KCNN2: variants seen among roughly 807,000 people sequenced by gnomAD.
The protein encoded by KCNN2 is small conductance calcium-activated potassium channel protein 2.
Under a neutral mutation model 55.5 loss-of-function variants are expected in KCNN2, and 24 were observed. The observed-to-expected ratio is 0.43, with a 90% CI of 0.31 to 0.61. The LOEUF (loss-of-function observed/expected upper bound fraction) is 0.61, where lower values mean the gene tolerates loss of function less well. Among genes scored for constraint, KCNN2 ranks in the 20% least tolerant of loss-of-function variants. KCNN2 has a pLI of 0.08. For missense variants in KCNN2, 754 were observed against 853.6 expected, an observed-to-expected ratio of 0.88 and a Z score of 1.45; for synonymous variants, 431 against 336.1, an observed-to-expected ratio of 1.28 and a Z score of -3.09.
intron 2 of KCNN2, among the ~76,000 whole-genome samples, chr5:114,240,894 T>C (rs1227490705): frequency 1.3e-5 from 2 of 151,514 alleles, no homozygotes; most frequent in Non-Finnish European, 2.9e-5. Context: ...TAAAAAATTA[T>C]CTGCTAATAA....
At chr5:114,278,108 C>A (rs567973660) in intron 2 of KCNN2, among the ~76,000 whole-genome samples, 1 of 152,210 alleles carries the variant, frequency 6.6e-6, no homozygotes, top group African/African-American at 2.4e-5. Context: ...GTCCCCTCAG[C>A]TGCATGTCTG....
At chr5:114,477,669 G>A (rs1580900705) in intron 5 of KCNN2, among the ~76,000 whole-genome samples, 1 of 152,088 alleles carries the variant, frequency 6.6e-6, no homozygotes, top group Non-Finnish European at 1.5e-5. Context: ...ATATCTTTTG[G>A]AAATATATTA....
At chr5:114,121,344 A>G (rs1217111399) in intron 1 of KCNN2, among the ~76,000 whole-genome samples, 1 of 152,156 alleles carries the variant, frequency 6.6e-6, no homozygotes, top group Non-Finnish European at 1.5e-5. Flanking sequence ...AGATTAGGCT[A>G]CGAGCATGGT....
intron 2 of KCNN2, among the ~76,000 whole-genome samples, chr5:114,323,293 G>A (rs1756648109): frequency 1.3e-5 from 2 of 152,114 alleles, no homozygotes; most frequent in African/African-American, 4.8e-5. Context: ...TTACTACCCA[G>A]CTGTGAAACT....
At chr5:114,407,846 C>G (rs560081903) in intron 3 of KCNN2, among the ~76,000 whole-genome samples, 1 of 152,206 alleles carries the variant, frequency 6.6e-6, no homozygotes, top group Non-Finnish European at 1.5e-5. Flanking sequence ...CTTGCTCTCT[C>G]CAGTGTCTGA....
chr5:114,178,164 T>G (rs931834113), intron 1 of KCNN2, among the ~76,000 whole-genome samples: 8 of 152,214 alleles, frequency 5.3e-5, no homozygotes, highest in African/African-American at 1.9e-4. Flanking sequence ...TACATTTTCA[T>G]CAGTAATTAA....
intron 2 of KCNN2, among the ~76,000 whole-genome samples, chr5:114,235,980 G>A (rs2112609285): frequency 6.6e-6 from 1 of 152,334 alleles, no homozygotes; most frequent in South Asian, 2.1e-4. Context: ...GCAGCGATCA[G>A]TGAGAAGCAT....
chr5:114,142,038 G>T (rs1160599620), intron 1 of KCNN2, among the ~76,000 whole-genome samples: 1 of 152,096 alleles, frequency 6.6e-6, no homozygotes, highest in African/African-American at 2.4e-5. Flanking sequence ...TTAGCCCTTT[G>T]TCAGATGAGT....
At chr5:114,309,954 C>G (rs1756363549) in intron 2 of KCNN2, among the ~76,000 whole-genome samples, 1 of 152,184 alleles carries the variant, frequency 6.6e-6, no homozygotes, top group Non-Finnish European at 1.5e-5. Flanking sequence ...TGCTGTCCTT[C>G]AGGTTTCAAC....
intron 2 of KCNN2, among the ~76,000 whole-genome samples, chr5:114,293,564 G>GT (rs1755941693): frequency 6.6e-6 from 1 of 152,114 alleles, no homozygotes; most frequent in Non-Finnish European, 1.5e-5. Context: ...GGTGGATAAG[G>GT]TTTTTGATGT....
intron 2 of KCNN2, among the ~76,000 whole-genome samples, chr5:114,316,176 C>G (rs779814234): frequency 1.5e-4 from 23 of 152,108 alleles, no homozygotes; most frequent in Non-Finnish European, 2.6e-4. Flanking sequence ...AGGAGCTCTT[C>G]TGACTTATAG....
At chr5:114,231,984 C>T (rs759295837) in intron 2 of KCNN2, among the ~76,000 whole-genome samples, 5 of 145,208 alleles carry the variant, frequency 3.4e-5, no homozygotes, top group Admixed American at 6.7e-5. Flanking sequence ...GAATTCAAAG[C>T]GTTGAATTCA....
chr5:114,448,348 G>A (rs1041917520), intron 3 of KCNN2, among the ~76,000 whole-genome samples: 2 of 152,136 alleles, frequency 1.3e-5, no homozygotes, highest in African/African-American at 4.8e-5. Context: ...GGTCTTAGCG[G>A]TGATGGTTTG....
chr5:114,451,745 A>C (rs1299317912), intron 3 of KCNN2, among the ~76,000 whole-genome samples: 2 of 151,946 alleles, frequency 1.3e-5, no homozygotes, highest in Non-Finnish European at 2.9e-5. Flanking sequence ...AAATACAAAA[A>C]AATTAGCCAG....
At chr5:114,426,699 T>C (rs1039035253) in intron 3 of KCNN2, among the ~76,000 whole-genome samples, 3 of 152,218 alleles carry the variant, frequency 2.0e-5, no homozygotes, top group Non-Finnish European at 4.4e-5. Flanking sequence ...TCATTTTTAC[T>C]GCTGTTAGAG....
Position 114,363,873 on chromosome 5 carries a change from T to C in KCNN2, c.1123-33T>C, listed in dbSNP as rs373093933. ...TGGAAGGCGGTTAAAAGTGCTTCTTTCTTAAAAGTGCTTCTGTCTGACTGT... is the reference window on the plus strand; with the variant it reads ...TGGAAGGCGGTTAAAAGTGCTTCTTCCTTAAAAGTGCTTCTGTCTGACTGT... On this transcript the variant is annotated intron_variant, in intron 1 of 7. Transcript: ENST00000673685. The C allele has an allele frequency of 4.3e-5, 67 of 1,562,936 alleles. No homozygotes were observed. In the African/African-American group the frequency reaches 8.4e-4, roughly 20 times the overall value.
intron 2 of KCNN2, among the ~76,000 whole-genome samples, chr5:114,381,801 A>G (rs978624093): frequency 2.0e-5 from 3 of 152,180 alleles, no homozygotes; most frequent in Non-Finnish European, 4.4e-5. Flanking sequence ...TCTCAAGGAC[A>G]GTTACAGATC....
At chr5:114,167,409 A>C (rs1282605666) in intron 1 of KCNN2, among the ~76,000 whole-genome samples, 1 of 152,154 alleles carries the variant, frequency 6.6e-6, no homozygotes, top group Non-Finnish European at 1.5e-5. Flanking sequence ...ATGTAATCTT[A>C]CCATCAACTT....
At chr5:114,456,148 A>G (rs1580861892) in intron 3 of KCNN2, among the ~76,000 whole-genome samples, 1 of 152,290 alleles carries the variant, frequency 6.6e-6, no homozygotes, top group East Asian at 1.9e-4. Context: ...GGAGAAGTTA[A>G]TGCCTGGCTT....
Sources: allele counts gnomAD v4.1 joint callset (sites outside exome capture counted in the v4.1 genomes callset), GRCh38; gene constraint gnomAD v4.1.1; transcripts MANE v1.5; gene names NCBI Gene and HGNC (gene_info 2026-07-23, HGNC 2026-07-21).